The following DLG2 variants were observed in gnomAD, a reference collection of about 807,000 sequenced individuals.
The protein encoded by DLG2 is discs large MAGUK scaffold protein 2, also known as disks large homolog 2.
In DLG2, 45 loss-of-function variants were observed where a neutral mutation model predicts 132.5. The ratio of observed to expected loss-of-function variants is 0.34; its 90% CI spans 0.27 to 0.44. DLG2 has a LOEUF of 0.44. Among genes scored for constraint, DLG2 ranks in the 20% least tolerant of loss-of-function variants. The probability of loss-of-function intolerance (pLI) is 1.00; values close to 1 mark genes in which losing one functional copy is unlikely to be tolerated. For synonymous variants in DLG2, 424 were observed against 419.6 expected, an observed-to-expected ratio of 1.01 and a Z score of -0.13; for missense variants, 1,045 against 1,196.9, an observed-to-expected ratio of 0.87 and a Z score of 1.87.
chr11:83,725,590 T>C (rs1386582665), intron 18 of DLG2, among the ~76,000 whole-genome samples: 2 of 152,202 alleles, frequency 1.3e-5, no homozygotes, highest in African/African-American at 4.8e-5. Context: ...AAATTAATCT[T>C]TGTCTTCATT....
At chr11:85,039,470 T>C (rs1464147632) in intron 6 of DLG2, among the ~76,000 whole-genome samples, 1 of 151,976 alleles carries the variant, frequency 6.6e-6, no homozygotes, top group Non-Finnish European at 1.5e-5. Context: ...TCCCTAGTTG[T>C]ATAAGCTTAA....
chr11:85,480,195 A>G (rs2153088113), intron 3 of DLG2, among the ~76,000 whole-genome samples: 1 of 152,376 alleles, frequency 6.6e-6, no homozygotes, highest in East Asian at 1.9e-4. Context: ...CACTTTAGAG[A>G]ACATGCAGTA....
chr11:85,054,262 T>C (rs1358382078), intron 6 of DLG2, among the ~76,000 whole-genome samples: 1 of 124,168 alleles, frequency 8.1e-6, no homozygotes, highest in Non-Finnish European at 1.7e-5. Context: ...AGATTCCACC[T>C]AAAAAAAAAA....
intron 6 of DLG2, among the ~76,000 whole-genome samples, chr11:84,605,011 G>A (rs1011126402): frequency 2.6e-5 from 4 of 151,756 alleles, no homozygotes; most frequent in African/African-American, 9.7e-5. Flanking sequence ...ACATAAATGA[G>A]ATAGAAGTTA....
At chr11:84,537,783 T>C (rs2099359070) in intron 6 of DLG2, among the ~76,000 whole-genome samples, 1 of 152,236 alleles carries the variant, frequency 6.6e-6, no homozygotes, top group African/African-American at 2.4e-5. Flanking sequence ...ACAACACATA[T>C]GCTCAATAAG....
rs927736675 is a variant in DLG2, at chr11:84,788,639, G to C, written c.358-253908C>G. Among the ~76,000 whole-genome samples, 3 of 152,112 alleles carry C rather than the reference G, an allele frequency of 2.0e-5. No homozygotes were observed. The East Asian group carries it at 5.8e-4, about 29-fold the overall frequency. On this transcript the variant is annotated intron_variant, in intron 6 of 27. Transcript: ENST00000376104. ...TTATTATAAATATAGATTTATAGGT[G>C]TATGTCATATACTAAATAATACAGT...
intron 7 of DLG2, among the ~76,000 whole-genome samples, chr11:84,423,458 T>C (rs2098957040): frequency 6.6e-6 from 1 of 152,166 alleles, no homozygotes; most frequent in Non-Finnish European, 1.5e-5. Context: ...CTTTTTATCA[T>C]CTAAGATGGA....
At chr11:83,589,745 C>T (rs2097155064) in intron 19 of DLG2, among the ~76,000 whole-genome samples, 1 of 151,128 alleles carries the variant, frequency 6.6e-6, no homozygotes, top group African/African-American at 2.4e-5. Flanking sequence ...TCAGGAAACC[C>T]ATCTCATGTG....
At chr11:85,193,001 G>T (rs763248350) in intron 4 of DLG2, among the ~76,000 whole-genome samples, 18 of 152,128 alleles carry the variant, frequency 1.2e-4, no homozygotes, top group Non-Finnish European at 2.4e-4. Flanking sequence ...GTGGCTTTCA[G>T]TATATTACCA....
At position 83,550,292 on chromosome 11, in the gene DLG2, C is replaced by T. The variant is rs565330521; in HGVS notation, c.1941-8434G>A. Among the ~76,000 whole-genome samples the T allele has an allele frequency of 2.0e-5, 3 of 152,250 alleles. No individual in the cohort carries two copies. The East Asian group carries it at 5.8e-4, about 29-fold the overall frequency. On this transcript the variant is annotated intron_variant, in intron 19 of 27. Transcript: ENST00000376104. ...ATAATCAGGGAAGAAGCATAACTTC[C>T]AGGGGGAACAACTTTCTCTTTCTCT...
intron 19 of DLG2, among the ~76,000 whole-genome samples, chr11:83,547,049 C>T (rs2096260495): frequency 6.6e-6 from 1 of 152,122 alleles, no homozygotes; most frequent in Non-Finnish European, 1.5e-5. Context: ...GCTCAAAACA[C>T]TCACACTCTC....
At chr11:85,438,000 T>TG (rs1459651991) in intron 3 of DLG2, among the ~76,000 whole-genome samples, 1 of 152,214 alleles carries the variant, frequency 6.6e-6, no homozygotes, top group African/African-American at 2.4e-5. Flanking sequence ...CTCTTGGTTC[T>TG]GCAGGCTGTA....
At chr11:84,711,214 A>T (rs927395259) in intron 6 of DLG2, among the ~76,000 whole-genome samples, 6 of 151,602 alleles carry the variant, frequency 4.0e-5, no homozygotes, top group African/African-American at 1.5e-4. Flanking sequence ...TTTATGATTT[A>T]TCAGCTTCTC....
chr11:84,883,414 C>G (rs1233344873), intron 6 of DLG2, among the ~76,000 whole-genome samples: 3 of 151,864 alleles, frequency 2.0e-5, no homozygotes, highest in Non-Finnish European at 4.4e-5. Context: ...CACCATGGCA[C>G]TTTATACCTG....
intron 4 of DLG2, among the ~76,000 whole-genome samples, chr11:85,220,137 G>A (rs1193944266): frequency 6.6e-6 from 1 of 152,020 alleles, no homozygotes; most frequent in African/African-American, 2.4e-5. Context: ...TGTGAGCAGT[G>A]GGGGGAGACA....
At chr11:84,296,153 C>T (rs751748856) in intron 7 of DLG2, among the ~76,000 whole-genome samples, 7 of 151,852 alleles carry the variant, frequency 4.6e-5, no homozygotes, top group Non-Finnish European at 8.8e-5. Flanking sequence ...ATCTTAAAAT[C>T]GAACTGAAAT....
intron 7 of DLG2, among the ~76,000 whole-genome samples, chr11:84,307,229 A>G (rs2098229501): frequency 6.6e-6 from 1 of 152,196 alleles, no homozygotes; most frequent in African/African-American, 2.4e-5. Context: ...TCATTATCCT[A>G]AGCAAATTAA....
rs559465900 is a variant in DLG2, at chr11:85,153,597, A to G, written c.282+959T>C. Reference sequence around the variant, plus strand: ...AAGATATCCCTAAAAAATACTCCCAATTATTTTAAATTGTTCAAAGGAAAT... The same window carrying G: ...AAGATATCCCTAAAAAATACTCCCAGTTATTTTAAATTGTTCAAAGGAAAT... On this transcript the variant is annotated intron_variant, in intron 5 of 27. Coordinates refer to ENST00000376104, the MANE Select transcript of DLG2 (RefSeq NM_001142699.3). Among the ~76,000 whole-genome samples the G allele has an allele frequency of 1.2e-4, 19 of 152,326 alleles. No individual in the cohort carries two copies. The South Asian group carries it at 3.3e-3, about 27-fold the overall frequency.
At chr11:84,269,216 A>C (rs2097687888) in intron 7 of DLG2, among the ~76,000 whole-genome samples, 1 of 152,228 alleles carries the variant, frequency 6.6e-6, no homozygotes, top group African/African-American at 2.4e-5. Flanking sequence ...CTAGAAGGTA[A>C]ATACCCCCAG....
Sources: allele counts gnomAD v4.1 joint callset (sites outside exome capture counted in the v4.1 genomes callset), GRCh38; gene constraint gnomAD v4.1.1; transcripts MANE v1.5; gene names NCBI Gene and HGNC (gene_info 2026-07-23, HGNC 2026-07-21).